The following CRAMP1 variants were observed in gnomAD, a reference collection of about 807,000 sequenced individuals.
The protein encoded by CRAMP1 is protein cramped-like.
CRAMP1 carries 50 observed loss-of-function variants against 115.4 expected under a neutral mutation model. That is an observed-to-expected ratio of 0.43 (90% CI 0.35 to 0.55). The LOEUF (loss-of-function observed/expected upper bound fraction) is 0.55, where lower values mean the gene tolerates loss of function less well. Ranked by LOEUF, CRAMP1 falls within the 20% of genes least tolerant of loss-of-function variation. The probability of loss-of-function intolerance (pLI) is 0.01; values close to 1 mark genes in which losing one functional copy is unlikely to be tolerated. For missense variants in CRAMP1, 1,679 were observed against 1,721.7 expected (o/e 0.98, Z 0.44); for synonymous variants, 866 against 745.4 (o/e 1.16, Z -2.64).
At chr16:1,651,371 C>T (rs1468853548) in intron 6 of CRAMP1, among the ~76,000 whole-genome samples, 9 of 148,806 alleles carry the variant, frequency 6.0e-5, no homozygotes, top group Admixed American at 4.0e-4. Flanking sequence ...GCACAGGTCA[C>T]GGAAAGGTGG....
At chr16:1,634,282 G>T (rs2036569367) in intron 4 of CRAMP1, among the ~76,000 whole-genome samples, 1 of 152,218 alleles carries the variant, frequency 6.6e-6, no homozygotes, top group African/African-American at 2.4e-5. Flanking sequence ...CTCCTCTTCT[G>T]AGGTTCAAAT....
At chr16:1,630,061 C>T (rs2036537654) in intron 3 of CRAMP1, among the ~76,000 whole-genome samples, 1 of 152,214 alleles carries the variant, frequency 6.6e-6, no homozygotes, top group African/African-American at 2.4e-5. Context: ...AGCACCCCAG[C>T]AGTCCCCAGG....
intron 11 of CRAMP1, 84 bp downstream of exon 11, chr16:1,660,147 C>G (rs931336708): frequency 1.6e-6 from 2 of 1,248,330 alleles, no homozygotes; most frequent in Admixed American, 6.0e-5. Flanking sequence ...AAGCTGAGAG[C>G]ACAGGTGTGC....
intron 10 of CRAMP1, among the ~76,000 whole-genome samples, chr16:1,658,104 C>T (rs752061475): frequency 6.6e-6 from 1 of 152,234 alleles, no homozygotes; most frequent in Non-Finnish European, 1.5e-5. Context: ...CTCCCACCCC[C>T]AGCCGGTGCA....
At position 1,653,151 on chromosome 16, in the gene CRAMP1, C is replaced by T. The variant is rs1567456935; in HGVS notation, c.1032C>T (p.Arg344=). Residue 344 remains arginine, a synonymous_variant, in exon 8 of 21, where the codon CGC becomes CGT. Transcript: ENST00000397412. ...ARVQSLAQNP[R]LRMIVELHRK... ...TGCAGAGCCTTGCCCAGAACCCACG[C>T]CTCAGGTAACATGGCCCTTGGCACG... The T allele has an allele frequency of 1.2e-6, 2 of 1,608,490 alleles. No homozygotes were observed. Among genetic ancestry groups the T allele is most frequent in the South Asian group, 1.1e-5 (1 of 89,978 alleles).
rs745809507 is a variant in CRAMP1, at chr16:1,665,121, C to G, written c.2735C>G (p.Ser912Cys). The change falls in exon 14 of 21, where the codon TCT becomes TGT. Residue 912 changes from serine to cysteine, a missense_variant. Transcript: ENST00000397412. ...SHNVCSFSIL[S>C]NSSVTGRGSF... ...AACGTTTGTTCCTTCTCCATCCTGT[C>G]TAACTCTTCCGTAACTGGTAAGGAC... is the stretch of plus-strand genomic sequence containing the variant. 1.2e-6 allele frequency: 2 copies of G among 1,611,624 alleles called. No individual in the cohort carries two copies. The highest frequency in any genetic ancestry group is 8.5e-7 in the Non-Finnish European group (1 of 1,177,720).
chr16:1,660,487 C>A (rs1216439802), intron 11 of CRAMP1, among the ~76,000 whole-genome samples: 1 of 152,096 alleles, frequency 6.6e-6, no homozygotes, highest in African/African-American at 2.4e-5. Context: ...TAACACAAGT[C>A]CCGGAAAGAA....
At chr16:1,655,362 A>G (rs1596493601) in intron 9 of CRAMP1, 62 bp downstream of exon 9, 1 of 1,305,784 alleles carries the variant, frequency 7.7e-7, no homozygotes, top group Admixed American at 1.7e-5. Flanking sequence ...CCAGAGATGG[A>G]CCACGCCTCC....
Position 1,656,638 on chromosome 16 carries a change from T to A in CRAMP1, c.1881T>A (p.Val627=), listed in dbSNP as rs1389773315. 6.3e-7 allele frequency: 1 copy of A among 1,579,232 alleles called. No individual in the cohort carries two copies. The highest frequency in any genetic ancestry group is 2.3e-5 in the East Asian group (1 of 42,816). ...CCGGCCCCGGGCTCCTGCTGGATGT[T>A]TGCACTAAAGACTTGGCAGATGCAC... ...PRPGPGLLLD[V]CTKDLADAPA... is the part of the protein sequence containing the mutation. The change falls in exon 10 of 21, where the codon GTT becomes GTA. Residue 627 remains valine (V), a synonymous_variant. Transcript: ENST00000397412. This position sits in a 1 kb window ranked among gnomAD's most constrained non-coding sequence, Gnocchi z 5.6.
At chr16:1,623,711 C>A (rs1404274286) in intron 2 of CRAMP1, among the ~76,000 whole-genome samples, 1 of 152,158 alleles carries the variant, frequency 6.6e-6, no homozygotes, top group African/African-American at 2.4e-5. Flanking sequence ...CGTGAGGAAT[C>A]CAGGCTCCTA....
intron 1 of CRAMP1, among the ~76,000 whole-genome samples, chr16:1,613,790 C>T (rs1208109034): frequency 6.6e-6 from 1 of 152,220 alleles, no homozygotes; most frequent in Non-Finnish European, 1.5e-5. Context: ...CTGTCACTTT[C>T]CCGGGTGGTT....
Position 1,660,014 on chromosome 16 carries a change from C to A in CRAMP1, c.2364C>A (p.Ser788=). The change falls in exon 11 of 21, where the codon TCC becomes TCA. Residue 788 remains serine, a synonymous_variant. Transcript: ENST00000397412. ...CCCGCTGCCCTCGGAACCAGGCCTC[C>A]CTCCGCAGCAGCAAGACCTTCCCGC... ...RSPRCPRNQA[S]LRSSKTFPPS... 1.2e-6 allele frequency: 2 copies of A among 1,602,558 alleles called. No individual in the cohort carries two copies. Among genetic ancestry groups the A allele is most frequent in the African/African-American group, 1.3e-5 (1 of 75,042 alleles).
At position 1,635,307 on chromosome 16, in the gene CRAMP1, G is replaced by A. The variant is rs185482674; in HGVS notation, c.695-2517G>A. ...GTGGCAAGCGAGCGTGGAAGGGACT[G>A]ACTCCGCCCCCAGCTTGGGGGCCTT... is the stretch of plus-strand genomic sequence containing the variant. On this transcript the variant is annotated intron_variant, in intron 4 of 20. Coordinates refer to ENST00000397412, the MANE Select transcript of CRAMP1 (RefSeq NM_020825.4). Among the ~76,000 whole-genome samples the A allele has an allele frequency of 4.1e-3, 620 of 152,334 alleles. 6 individuals carry two copies. The highest frequency in any genetic ancestry group is 0.014 in the African/African-American group (586 of 41,572).
Position 1,656,240 on chromosome 16 carries a change from C to T in CRAMP1, c.1483C>T (p.Pro495Ser). 1 of 1,609,230 alleles carries T rather than the reference C, an allele frequency of 6.2e-7. No individual in the cohort carries two copies. The part of the protein sequence containing the change: ...SSGESSPESA[P>S]GEGAALSLSS... The stretch of plus-strand genomic sequence containing the variant: ...CGGAGAGAGTTCCCCCGAAAGCGCC[C>T]CCGGGGAGGGGGCTGCCCTAAGCTT... Residue 495 changes from proline (P) to serine (S), a missense_variant, in exon 10 of 21, where the codon CCC (proline) becomes TCC (serine). Pro to Ser is a moderately conservative substitution (Grantham distance 74). Transcript: ENST00000397412. This position sits in a 1 kb window ranked among gnomAD's most constrained non-coding sequence, Gnocchi z 5.6.
chr16:1,637,740 G>T, intron 4 of CRAMP1, 84 bp from the exon 5 acceptor site: 1 of 572,184 alleles, frequency 1.7e-6, no homozygotes, highest in South Asian at 3.1e-5. Context: ...AAGAAACCAC[G>T]TGAGCCTGGT....
intron 2 of CRAMP1, among the ~76,000 whole-genome samples, chr16:1,619,221 C>A (rs935862870): frequency 3.3e-5 from 5 of 152,164 alleles, no homozygotes; most frequent in Non-Finnish European, 7.4e-5. Context: ...CATTCTGTCG[C>A]CTGGGCTTGA....
chr16:1,641,683 A>G (rs565033850), intron 6 of CRAMP1, among the ~76,000 whole-genome samples: 4 of 152,244 alleles, frequency 2.6e-5, no homozygotes, highest in African/African-American at 9.6e-5. Context: ...TCTCCTGGCC[A>G]CACAAACAAC....
rs144007507 is a variant in CRAMP1, at chr16:1,674,117, G to T, written c.*72G>T. On this transcript the variant is annotated 3_prime_UTR_variant, in exon 21 of 21. Transcript: ENST00000397412. Reference sequence around the variant, plus strand: ...ATAGATAAGCCCAGCAGCCCCAGAAGATGGTCTGAACAGAGGCATCTCCGC... The same window carrying T: ...ATAGATAAGCCCAGCAGCCCCAGAATATGGTCTGAACAGAGGCATCTCCGC... 846 of 1,484,962 alleles carry T rather than the reference G, an allele frequency of 5.7e-4. 4 individuals are homozygous for T. The African/African-American group carries it at 0.011, about 19-fold the overall frequency. The allele number at this position is 1,484,962 out of a possible 1,614,324, so 92.0% of individuals were successfully genotyped here.
At chr16:1,654,874 T>C (rs1350142153) in intron 8 of CRAMP1, among the ~76,000 whole-genome samples, 3 of 152,246 alleles carry the variant, frequency 2.0e-5, no homozygotes, top group Non-Finnish European at 2.9e-5. Context: ...ATTAACACTG[T>C]CCAGGCCCGC....
Sources: gnomAD v4.1 joint callset for allele counts (sites outside exome capture counted in the v4.1 genomes callset) on GRCh38, gnomAD v4.1.1 for gene constraint, Gnocchi (gnomAD v3.1) non-coding constraint, MANE v1.5 for transcripts, NCBI Gene and HGNC (gene_info 2026-07-23, HGNC 2026-07-21) for gene names.